The following AGK variants were observed in gnomAD, a reference collection of about 807,000 sequenced individuals.
AGK encodes acylglycerol kinase.
In AGK, 52 loss-of-function variants were observed where a neutral mutation model predicts 66.4. The observed-to-expected ratio is 0.78, with a 90% CI of 0.63 to 0.99. The LOEUF (loss-of-function observed/expected upper bound fraction) is 0.99, where lower values mean the gene tolerates loss of function less well. Ranked by LOEUF, AGK falls within the 50% of genes least tolerant of loss-of-function variation. The probability of loss-of-function intolerance (pLI) is 0.00; values close to 1 mark genes in which losing one functional copy is unlikely to be tolerated. For synonymous variants in AGK, 182 were observed against 181.1 expected, an observed-to-expected ratio of 1.00 and a Z score of -0.04; for missense variants, 451 against 506.6, an observed-to-expected ratio of 0.89 and a Z score of 1.05.
At chr7:141,584,044 C>A (rs571156110) in intron 2 of AGK, among the ~76,000 whole-genome samples, 1 of 151,978 alleles carries the variant, frequency 6.6e-6, no homozygotes, top group Admixed American at 6.5e-5. Context: ...CACCAAATTT[C>A]ACTCGTGTCC....
intron 3 of AGK, among the ~76,000 whole-genome samples, chr7:141,595,200 G>C (rs1265417450): frequency 2.0e-5 from 3 of 152,124 alleles, no homozygotes; most frequent in Non-Finnish European, 4.4e-5. Flanking sequence ...ACCAACTTTA[G>C]ACACTAAGAA....
intron 2 of AGK, among the ~76,000 whole-genome samples, chr7:141,589,799 A>T (rs964149427): frequency 6.6e-6 from 1 of 152,170 alleles, no homozygotes; most frequent in African/African-American, 2.4e-5. Flanking sequence ...ACCTCAGGTG[A>T]TCCGCCCATC....
intron 3 of AGK, chr7:141,593,530 C>A: frequency 1.7e-6 from 1 of 605,518 alleles, no homozygotes; most frequent in Non-Finnish European, 2.9e-6. Flanking sequence ...TGAATAACCC[C>A]CAAGGATATC....
intron 2 of AGK, among the ~76,000 whole-genome samples, chr7:141,572,807 G>A (rs545031085): frequency 2.6e-5 from 4 of 152,150 alleles, no homozygotes; most frequent in Admixed American, 1.3e-4. Context: ...AGGCTATGGG[G>A]GGGGGAAATG....
At chr7:141,643,937 C>T (rs1272658642) in intron 13 of AGK, among the ~76,000 whole-genome samples, 1 of 152,052 alleles carries the variant, frequency 6.6e-6, no homozygotes, top group African/African-American at 2.4e-5. Context: ...GCATAGTATA[C>T]ATAAAGTGTC....
intron 2 of AGK, among the ~76,000 whole-genome samples, chr7:141,585,101 A>G (rs1411672641): frequency 4.6e-5 from 7 of 152,142 alleles, no homozygotes; most frequent in African/African-American, 1.7e-4. Flanking sequence ...AATCATTAAC[A>G]TTTTCATTGT....
At chr7:141,576,805 T>C (rs1296197973) in intron 2 of AGK, among the ~76,000 whole-genome samples, 3 of 151,928 alleles carry the variant, frequency 2.0e-5, no homozygotes, top group Admixed American at 6.6e-5. Context: ...TTTGGGAGGC[T>C]GAGGTGGGCG....
chr7:141,580,962 G>A (rs1430647769), intron 2 of AGK, among the ~76,000 whole-genome samples: 1 of 151,944 alleles, frequency 6.6e-6, no homozygotes, highest in Non-Finnish European at 1.5e-5. Flanking sequence ...CCTTTTATGA[G>A]TGTATATAAT....
At chr7:141,633,832 A>G (rs1403746051) in intron 9 of AGK, 69 bp from the exon 10 acceptor site, 8 of 1,348,644 alleles carry the variant, frequency 5.9e-6, no homozygotes, top group Non-Finnish European at 8.5e-6. Context: ...ACATTTGCTG[A>G]GTACTTAGAT....
chr7:141,554,096 T>C (rs559849688), intron 1 of AGK, among the ~76,000 whole-genome samples: 1 of 152,184 alleles, frequency 6.6e-6, no homozygotes, highest in African/African-American at 2.4e-5. Flanking sequence ...TCCCAGCAAT[T>C]TGGATGGCCA....
At chr7:141,580,084 A>T (rs1260011973) in intron 2 of AGK, among the ~76,000 whole-genome samples, 1 of 152,030 alleles carries the variant, frequency 6.6e-6, no homozygotes, top group Non-Finnish European at 1.5e-5. Context: ...TTTATTAAAG[A>T]GGAGTTAATG....
intron 5 of AGK, 71 bp downstream of exon 5, chr7:141,601,351 C>G: frequency 8.0e-7 from 1 of 1,246,878 alleles, no homozygotes; most frequent in East Asian, 2.4e-5. Flanking sequence ...CTCTTGGCTT[C>G]TTAGCAAAAA....
At chr7:141,634,305 T>A (rs1253528301) in intron 10 of AGK, among the ~76,000 whole-genome samples, 3 of 152,228 alleles carry the variant, frequency 2.0e-5, no homozygotes, top group African/African-American at 7.2e-5. Context: ...CCTATCATTC[T>A]GCAGCTGCTT....
intron 2 of AGK, among the ~76,000 whole-genome samples, chr7:141,561,339 T>A: frequency 6.6e-6 from 1 of 152,212 alleles, no homozygotes. Context: ...ATTTAAGGAA[T>A]CTCCATACTG....
At chr7:141,562,809 C>G (rs1795378790) in intron 2 of AGK, among the ~76,000 whole-genome samples, 1 of 152,216 alleles carries the variant, frequency 6.6e-6, no homozygotes, top group Non-Finnish European at 1.5e-5. Flanking sequence ...GCTTTCAGGC[C>G]ATGCTTCTCG....
At chr7:141,627,497 G>C (rs1447457442) in intron 9 of AGK, among the ~76,000 whole-genome samples, 1 of 152,096 alleles carries the variant, frequency 6.6e-6, no homozygotes, top group Non-Finnish European at 1.5e-5. Context: ...CCAAAAAGTT[G>C]CTGTTAGTTA....
In AGK at chr7:141,641,331, A is replaced by G; in HGVS notation, c.810A>G (p.Val270=). ...RPPNEPEETP[V]QRPSLYRRIL... ...CCAATGAACCAGAGGAGACCCCTGT[A>G]CAAAGGCCTTCTTTGTACAGGAGAA... is the stretch of plus-strand genomic sequence containing the variant. The change falls in exon 12 of 16, where the codon GTA becomes GTG. Residue 270 remains valine, a synonymous_variant. Coordinates refer to ENST00000649286, the MANE Select transcript of AGK (RefSeq NM_018238.4). The G allele has an allele frequency of 6.2e-7, 1 of 1,614,076 alleles. No individual in the cohort carries two copies. The highest frequency in any genetic ancestry group is 1.7e-4 in the Middle Eastern group (1 of 6,060).
chr7:141,568,533 C>T (rs368369785), intron 2 of AGK, among the ~76,000 whole-genome samples: 18 of 152,078 alleles, frequency 1.2e-4, no homozygotes, highest in Admixed American at 7.2e-4. Flanking sequence ...TTCTGCTACC[C>T]ACCTCAGCCT....
intron 5 of AGK, among the ~76,000 whole-genome samples, chr7:141,604,006 T>C (rs572662798): frequency 6.6e-6 from 1 of 152,318 alleles, no homozygotes; most frequent in Non-Finnish European, 1.5e-5. Flanking sequence ...AAATGTCCTG[T>C]GACTCATGTA....
Sources: allele counts gnomAD v4.1 joint callset (sites outside exome capture counted in the v4.1 genomes callset), GRCh38; gene constraint gnomAD v4.1.1; transcripts MANE v1.5; gene names NCBI Gene and HGNC (gene_info 2026-07-23, HGNC 2026-07-21).